STXBP5L: variants seen among roughly 807,000 people sequenced by gnomAD.
STXBP5L encodes syntaxin-binding protein 5-like.
Under a neutral mutation model 144.5 loss-of-function variants are expected in STXBP5L, and 65 were observed. That is an observed-to-expected ratio of 0.45 (90% CI 0.37 to 0.55). The LOEUF (loss-of-function observed/expected upper bound fraction) is 0.55. Ranked by LOEUF, STXBP5L falls within the 20% of genes least tolerant of loss-of-function variation. The pLI, the probability that STXBP5L is intolerant of heterozygous loss-of-function variation, is 0.00. For synonymous variants in STXBP5L, 505 were observed against 469.6 expected (o/e 1.08, Z -0.97); for missense variants, 1,298 against 1,405.5 (o/e 0.92, Z 1.22).
At chr3:121,359,603 C>T (rs1344224506) in intron 20 of STXBP5L, among the ~76,000 whole-genome samples, 1 of 151,868 alleles carries the variant, frequency 6.6e-6, no homozygotes, top group Admixed American at 6.6e-5. Context: ...GTCTTTAATC[C>T]GTTTTGATTT....
intron 7 of STXBP5L, among the ~76,000 whole-genome samples, chr3:121,134,977 C>T (rs2107913516): frequency 6.6e-6 from 1 of 150,970 alleles, no homozygotes; most frequent in South Asian, 2.1e-4. Flanking sequence ...TGAGGAATCG[C>T]CACACTGTCT....
chr3:120,974,820 T>A (rs1398168497), intron 3 of STXBP5L, among the ~76,000 whole-genome samples: 1 of 152,184 alleles, frequency 6.6e-6, no homozygotes, highest in Non-Finnish European at 1.5e-5. Context: ...CATTTCTTGT[T>A]TTTGTCAGGT....
chr3:121,163,164 A>G (rs2046380960), intron 9 of STXBP5L, among the ~76,000 whole-genome samples: 1 of 152,246 alleles, frequency 6.6e-6, no homozygotes, highest in East Asian at 1.9e-4. Context: ...AAGACTTGGA[A>G]CCAACCCAAA....
chr3:121,323,769 A>G (rs374398199), intron 20 of STXBP5L, among the ~76,000 whole-genome samples: 37 of 152,036 alleles, frequency 2.4e-4, no homozygotes, highest in African/African-American at 8.9e-4. Flanking sequence ...TTTCTCACCA[A>G]CTTGTACTGT....
At position 121,028,625 on chromosome 3, in the gene STXBP5L, A is replaced by G. The variant is rs545921507; in HGVS notation, c.288-13075A>G. 1.2e-4 allele frequency among the ~76,000 whole-genome samples: 18 copies of G among 152,252 alleles called. No individual in the cohort carries two copies. The South Asian group carries it at 3.7e-3, about 31-fold the overall frequency. The stretch of plus-strand genomic sequence containing the variant: ...TATTTACAGTCAGTTTTCAAAAATA[A>G]GATTATCATTTTCTTTGGAGATCTT... On this transcript the variant is annotated intron_variant, in intron 3 of 26. Coordinates refer to ENST00000471454, the MANE Select transcript of STXBP5L (RefSeq NM_001308330.2).
intron 9 of STXBP5L, among the ~76,000 whole-genome samples, chr3:121,183,096 C>T (rs1436280341): frequency 6.6e-6 from 1 of 152,038 alleles, no homozygotes; most frequent in Non-Finnish European, 1.5e-5. Context: ...TCCAGCATCC[C>T]ATTAATATGA....
intron 9 of STXBP5L, among the ~76,000 whole-genome samples, chr3:121,187,984 A>T (rs1318264226): frequency 6.6e-6 from 1 of 152,208 alleles, no homozygotes; most frequent in African/African-American, 2.4e-5. Context: ...AAGAAGAGCT[A>T]ACTATCTTAA....
At chr3:121,399,541 T>C (rs1446224242) in intron 22 of STXBP5L, among the ~76,000 whole-genome samples, 3 of 152,312 alleles carry the variant, frequency 2.0e-5, no homozygotes, top group African/African-American at 4.8e-5. Flanking sequence ...AGCCAGTCAT[T>C]AGCATTGTTT....
chr3:121,268,513 C>T (rs1399653137), intron 18 of STXBP5L, among the ~76,000 whole-genome samples: 3 of 151,898 alleles, frequency 2.0e-5, no homozygotes, highest in Non-Finnish European at 4.4e-5. Context: ...AGGTAACAAA[C>T]CTGCACATTC....
chr3:120,952,925 A>G (rs1480877686), intron 2 of STXBP5L, among the ~76,000 whole-genome samples: 1 of 151,748 alleles, frequency 6.6e-6, no homozygotes, highest in Non-Finnish European at 1.5e-5. Context: ...AAGCCTCCAG[A>G]GTATCTGAGA....
intron 5 of STXBP5L, among the ~76,000 whole-genome samples, chr3:121,086,295 T>G (rs1283603865): frequency 6.6e-6 from 1 of 152,168 alleles, no homozygotes; most frequent in African/African-American, 2.4e-5. Flanking sequence ...TTTAAAAATT[T>G]TATTGTGACT....
In STXBP5L at chr3:120,991,950, T is replaced by G. The variant is rs1040521092; in HGVS notation, c.287+36913T>G. Among the ~76,000 whole-genome samples the G allele has an allele frequency of 2.6e-5, 4 of 152,284 alleles. No individual in the cohort carries two copies. The East Asian group carries it at 7.7e-4, about 29-fold the overall frequency. ...ACGTTGTGCAGATGTACCCTAAAAC[T>G]TAAAGTATAATAAAAAAAATCCATA... On this transcript the variant is annotated intron_variant, in intron 3 of 26. Transcript: ENST00000471454.
chr3:121,375,192 A>C (rs914711492), intron 20 of STXBP5L, among the ~76,000 whole-genome samples: 2 of 152,218 alleles, frequency 1.3e-5, no homozygotes, highest in African/African-American at 4.8e-5. Context: ...AGAAAACTTA[A>C]TGAAACAATA....
At chr3:121,240,528 A>T (rs374493116) in intron 14 of STXBP5L, 21 bp downstream of exon 14, 1 of 1,607,422 alleles carries the variant, frequency 6.2e-7, no homozygotes, top group Non-Finnish European at 8.5e-7. Context: ...GTGTTTTGTG[A>T]GTTATTAGTT....
At chr3:121,292,922 T>C (rs1010887179) in intron 19 of STXBP5L, among the ~76,000 whole-genome samples, 2 of 152,048 alleles carry the variant, frequency 1.3e-5, no homozygotes, top group Non-Finnish European at 2.9e-5. Context: ...AGATGACACA[T>C]TGGGTACAGT....
chr3:121,025,425 ATAT>A (rs1390550278), intron 3 of STXBP5L, among the ~76,000 whole-genome samples: 2 of 152,104 alleles, frequency 1.3e-5, no homozygotes. Context: ...CTAAATATAA[ATAT>A]TATAATGCAA....
At chr3:121,308,275 TAAAA>T (rs1363225029) in intron 19 of STXBP5L, among the ~76,000 whole-genome samples, 1 of 152,136 alleles carries the variant, frequency 6.6e-6, no homozygotes, top group Admixed American at 6.5e-5. Flanking sequence ...ATTAAATTTT[TAAAA>T]AAACCTCATA....
intron 19 of STXBP5L, among the ~76,000 whole-genome samples, chr3:121,284,346 A>G (rs1390892800): frequency 1.3e-5 from 2 of 151,986 alleles, no homozygotes; most frequent in Middle Eastern, 3.2e-3. Context: ...CTAAAAGTTT[A>G]CTTTCTATAG....
chr3:120,994,015 CCT>C (rs1274047136), intron 3 of STXBP5L, among the ~76,000 whole-genome samples: 1 of 151,902 alleles, frequency 6.6e-6, no homozygotes. Flanking sequence ...TCTTTCAACT[CCT>C]TTGTTAAATG....
Sources: gnomAD v4.1 joint callset for allele counts (sites outside exome capture counted in the v4.1 genomes callset) on GRCh38, gnomAD v4.1.1 for gene constraint, MANE v1.5 for transcripts, NCBI Gene and HGNC (gene_info 2026-07-23, HGNC 2026-07-21) for gene names.